Variants in PRR16 observed in about 807,000 individuals in gnomAD.
PRR16 encodes the protein proline rich 16, also known as protein Largen.
Under a neutral mutation model 18.2 loss-of-function variants are expected in PRR16, and 6 were observed. The observed-to-expected ratio is 0.33, with a 90% CI of 0.18 to 0.65. The LOEUF (loss-of-function observed/expected upper bound fraction) is 0.65, where lower values mean the gene tolerates loss of function less well. Ranked by LOEUF, PRR16 falls within the 30% of genes least tolerant of loss-of-function variation. The pLI, the probability that PRR16 is intolerant of heterozygous loss-of-function variation, is 0.74. For synonymous variants in PRR16, 151 were observed against 147.8 expected, an observed-to-expected ratio of 1.02 and a Z score of -0.16; for missense variants, 412 against 376.6, an observed-to-expected ratio of 1.09 and a Z score of -0.78.
intron 1 of PRR16, among the ~76,000 whole-genome samples, chr5:120,587,469 G>A (rs1233848788): frequency 6.6e-6 from 1 of 152,178 alleles, no homozygotes; most frequent in Non-Finnish European, 1.5e-5. Flanking sequence ...TGCACCTGAT[G>A]ACTTTAAGTT....
the PRR16 span, among the ~76,000 whole-genome samples, chr5:120,721,960 C>A: frequency 6.6e-6 from 1 of 151,954 alleles, no homozygotes; most frequent in African/African-American, 2.4e-5. Context: ...TATACACATG[C>A]TTTGCTGCAC....
At chr5:120,635,863 GA>G (rs1317353484) in intron 1 of PRR16, among the ~76,000 whole-genome samples, 1 of 152,030 alleles carries the variant, frequency 6.6e-6, no homozygotes, top group Non-Finnish European at 1.5e-5. Flanking sequence ...TGTATACCTA[GA>G]AAACACTAAA....
At chr5:120,679,659 T>C (rs1413096171) in intron 1 of PRR16, among the ~76,000 whole-genome samples, 9 of 152,138 alleles carry the variant, frequency 5.9e-5, no homozygotes, top group Non-Finnish European at 1.0e-4. Flanking sequence ...ATATTTACTA[T>C]TCAACCTTAA....
chr5:120,745,410 T>A, the PRR16 span, among the ~76,000 whole-genome samples: 1 of 152,126 alleles, frequency 6.6e-6, no homozygotes, highest in Admixed American at 6.6e-5. Context: ...CAGCATCCAC[T>A]CTTTCTCATT....
the PRR16 span, among the ~76,000 whole-genome samples, chr5:120,779,697 ACT>A: frequency 4.1e-4 from 63 of 152,172 alleles, no homozygotes; most frequent in African/African-American, 1.4e-3. Flanking sequence ...GGTATTTACA[ACT>A]CTCTGATTGC....
intron 1 of PRR16, among the ~76,000 whole-genome samples, chr5:120,520,807 G>A (rs1457510604): frequency 6.6e-6 from 1 of 151,998 alleles, no homozygotes; most frequent in Non-Finnish European, 1.5e-5. Flanking sequence ...ATTCCACTTG[G>A]AGTTCTGTCT....
intron 1 of PRR16, among the ~76,000 whole-genome samples, chr5:120,534,218 T>C (rs1751642327): frequency 6.6e-6 from 1 of 152,170 alleles, no homozygotes. Flanking sequence ...GCCATAAAAC[T>C]AATGAGATCA....
chr5:120,609,352 A>C (rs2034416), intron 1 of PRR16, among the ~76,000 whole-genome samples: 7,812 of 152,168 alleles, frequency 0.051, 511 homozygotes, highest in African/African-American at 0.15. Flanking sequence ...TCAATAAATA[A>C]GGACTCCCCA....
At chr5:120,676,522 A>ATGTGTG (rs60138197) in intron 1 of PRR16, among the ~76,000 whole-genome samples, 93 of 126,080 alleles carry the variant, frequency 7.4e-4, no homozygotes, top group African/African-American at 2.0e-3. Context: ...ATATATATAT[A>ATGTGTG]TGTGTGTGTG....
At chr5:120,667,530 C>A (rs913828262) in intron 1 of PRR16, among the ~76,000 whole-genome samples, 3 of 151,396 alleles carry the variant, frequency 2.0e-5, no homozygotes, top group African/African-American at 7.2e-5. Context: ...TTTTCTAGTT[C>A]TTTTAATTGT....
chr5:120,643,188 T>TAA (rs200713457), intron 1 of PRR16, among the ~76,000 whole-genome samples: 5 of 118,064 alleles, frequency 4.2e-5, no homozygotes, highest in African/African-American at 6.1e-5. Context: ...ACAGGTTTTC[T>TAA]AAAAAAAAAC....
At chr5:120,701,840 C>G in the PRR16 span, among the ~76,000 whole-genome samples, 1 of 152,060 alleles carries the variant, frequency 6.6e-6, no homozygotes, top group Non-Finnish European at 1.5e-5. Context: ...CACCTCAGAC[C>G]GTTTGCCTAT....
rs368686688 is a variant in PRR16, at chr5:120,675,151, T to C, written c.160-10803T>C. 5.9e-4 allele frequency among the ~76,000 whole-genome samples: 90 copies of C among 152,306 alleles called. 3 individuals are homozygous for C. In the South Asian group the frequency reaches 0.018, roughly 30 times the overall value. ...TACTTAGTCATATGTTCTTATAATATAGATGTTTTAGAATCTTCCCACATA... is the reference window on the plus strand; with the variant it reads ...TACTTAGTCATATGTTCTTATAATACAGATGTTTTAGAATCTTCCCACATA... On this transcript the variant is annotated intron_variant, in intron 1 of 1. Transcript: ENST00000407149.
chr5:120,715,799 T>C, the PRR16 span, among the ~76,000 whole-genome samples: 1 of 152,196 alleles, frequency 6.6e-6, no homozygotes, highest in Non-Finnish European at 1.5e-5. Context: ...CCCAACATCA[T>C]CTCAGATGAA....
At chr5:120,747,261 A>T in the PRR16 span, among the ~76,000 whole-genome samples, 1 of 152,204 alleles carries the variant, frequency 6.6e-6, no homozygotes, top group South Asian at 2.1e-4. Flanking sequence ...TACGTTTAAC[A>T]GTTGATTAAC....
Position 120,614,969 on chromosome 5 carries a change from C to T in PRR16, c.160-70985C>T, listed in dbSNP as rs566532121. On this transcript the variant is annotated intron_variant, in intron 1 of 1. Transcript: ENST00000407149. ...AAGCCCAAGTTCTTGGTTCAGAATT[C>T]TTCATTCAAGTGCTCTGAGAACCTC... is the stretch of plus-strand genomic sequence containing the variant. 9.1e-4 allele frequency among the ~76,000 whole-genome samples: 138 copies of T among 152,126 alleles called. 1 individual carries two copies. Among genetic ancestry groups the T allele is most frequent in the African/African-American group, 3.2e-3 (134 of 41,532 alleles).
chr5:120,768,964 G>T, the PRR16 span, among the ~76,000 whole-genome samples: 1 of 151,572 alleles, frequency 6.6e-6, no homozygotes, highest in Non-Finnish European at 1.5e-5. Flanking sequence ...CAAAGTCTTT[G>T]ACAGTCTTAC....
At chr5:120,568,810 C>T (rs1752814969) in intron 1 of PRR16, among the ~76,000 whole-genome samples, 1 of 152,012 alleles carries the variant, frequency 6.6e-6, no homozygotes, top group South Asian at 2.1e-4. Context: ...ACTACATTAA[C>T]TTTTCAGAAC....
chr5:120,591,997 G>C (rs1395424017), intron 1 of PRR16, among the ~76,000 whole-genome samples: 2 of 152,070 alleles, frequency 1.3e-5, no homozygotes, highest in African/African-American at 4.8e-5. Flanking sequence ...CAGGATTGCT[G>C]TTATAGTCTT....
Sources: allele counts gnomAD v4.1 joint callset (sites outside exome capture counted in the v4.1 genomes callset), GRCh38; gene constraint gnomAD v4.1.1; transcripts MANE v1.5; gene names NCBI Gene and HGNC (gene_info 2026-07-23, HGNC 2026-07-21).